Variants in DACT1 observed in about 807,000 individuals in gnomAD.
The protein encoded by DACT1 is dishevelled binding antagonist of beta catenin 1, also known as dapper homolog 1.
DACT1 carries 19 observed loss-of-function variants against 35.3 expected under a neutral mutation model. That is an observed-to-expected ratio of 0.54 (90% CI 0.38 to 0.79). The LOEUF is 0.79. DACT1 is among the 30% of genes least tolerant of loss of function. DACT1 has a pLI of 0.00. For missense variants in DACT1, 1,143 were observed against 1,057.5 expected (o/e 1.08, Z -1.12); for synonymous variants, 545 against 466.7 (o/e 1.17, Z -2.16).
upstream of DACT1, among the ~76,000 whole-genome samples, chr14:58,635,260 A>G (rs2047566356): frequency 6.6e-6 from 1 of 152,198 alleles, no homozygotes; most frequent in Non-Finnish European, 1.5e-5. Flanking sequence ...GAATACCTGC[A>G]ACAAAAACAA....
chr14:58,636,789 C>T (rs2047575156), upstream of DACT1, among the ~76,000 whole-genome samples: 1 of 152,024 alleles, frequency 6.6e-6, no homozygotes, highest in African/African-American at 2.4e-5. Context: ...ATATGTGGTA[C>T]TTTTCCACAG....
rs375814215 is a variant in DACT1, at chr14:58,646,016, C to T, written c.1282C>T (p.Arg428Trp). The T allele has an allele frequency of 6.2e-6, 10 of 1,613,948 alleles. No individual in the cohort carries two copies. In the East Asian group the frequency reaches 6.7e-5, roughly 11 times the overall value. Residue 428 changes from arginine to tryptophan, a missense_variant, in exon 4 of 4, where the codon CGG becomes TGG. Physicochemically the swap from Arg to Trp is moderately radical, Grantham distance 101. Transcript: ENST00000395153. ...CAAGCCAGCCTCGCAAGAACATGCTCGGTGTTCCGCCATTGGGACAGGGGA... is the reference window on the plus strand; with the variant it reads ...CAAGCCAGCCTCGCAAGAACATGCTTGGTGTTCCGCCATTGGGACAGGGGA... ...TAKPASQEHA[R>W]CSAIGTGESP...
At chr14:58,637,798 A>G (rs946879691), upstream of DACT1, among the ~76,000 whole-genome samples, 1 of 122,844 alleles carries the variant, frequency 8.1e-6, no homozygotes, top group Non-Finnish European at 1.8e-5. Flanking sequence ...AGGGGCGGGG[A>G]GGGCCGAGCG....
At position 58,647,706 on chromosome 14, in the gene DACT1, C is replaced by G. The variant is rs956951088; in HGVS notation, c.*572C>G. ...TAGACTCATGACTTGGAGGCCAAACCTTAAATCCAGAGATAGCAGCCTCGA... is the reference window on the plus strand; with the variant it reads ...TAGACTCATGACTTGGAGGCCAAACGTTAAATCCAGAGATAGCAGCCTCGA... On this transcript the variant is annotated 3_prime_UTR_variant, in exon 4 of 4. Coordinates refer to ENST00000395153, the MANE Select transcript of DACT1 (RefSeq NM_001079520.2). The G allele has an allele frequency of 1.8e-5, 3 of 167,404 alleles. No homozygotes were observed. Among genetic ancestry groups the G allele is most frequent in the Admixed American group, 6.5e-5 (1 of 15,276 alleles). 10.4% of individuals were successfully genotyped at this position (167,404 alleles called of 1,614,324 possible).
chr14:58,646,342 C>G lies in DACT1; in HGVS notation c.1608C>G (p.His536Gln). Reference sequence around the variant, plus strand: ...CCAGTGTCAGGCTCCACCGGGGCCACAGGAACATGGGCGTCGTGAAGAACT... The same window carrying G: ...CCAGTGTCAGGCTCCACCGGGGCCAGAGGAACATGGGCGTCGTGAAGAACT... ...QQPSVRLHRG[H>Q]RNMGVVKNSS... Residue 536 changes from histidine (H) to glutamine (Q), a missense_variant, in exon 4 of 4, where the codon CAC (histidine) becomes CAG (glutamine). This residue lies in a region of DACT1 where 1,054 missense variants were observed against 958.8 expected (regional missense o/e 1.10). Coordinates refer to ENST00000395153, the MANE Select transcript of DACT1 (RefSeq NM_001079520.2). The G allele has an allele frequency of 6.2e-7, 1 of 1,608,484 alleles. No individual in the cohort carries two copies. Among genetic ancestry groups the G allele is most frequent in the Non-Finnish European group, 8.5e-7 (1 of 1,178,690 alleles).
chr14:58,637,637 A>C (rs2047583266), upstream of DACT1, among the ~76,000 whole-genome samples: 1 of 152,220 alleles, frequency 6.6e-6, no homozygotes, highest in Non-Finnish European at 1.5e-5. Context: ...GCCGACTGTA[A>C]CAGGATGCTG....
Position 58,645,652 on chromosome 14 carries a change from G to C in DACT1, c.918G>C (p.Leu306=). ...SSSKKMDGYI[L]SLVQKKTHPV... ...GCAAGAAAATGGATGGCTACATTCT[G>C]AGCCTGGTCCAGAAAAAAACACACC... Residue 306 remains leucine (L), a synonymous_variant, in exon 4 of 4, where the codon CTG becomes CTC. Coordinates refer to ENST00000395153, the MANE Select transcript of DACT1 (RefSeq NM_001079520.2). 1.2e-6 allele frequency: 2 copies of C among 1,614,132 alleles called. No homozygotes were observed.
upstream of DACT1, among the ~76,000 whole-genome samples, chr14:58,637,884 C>T (rs1203855168): frequency 2.7e-5 from 4 of 150,012 alleles, no homozygotes; most frequent in South Asian, 6.3e-4. Flanking sequence ...GCGTCGCAGC[C>T]GAGGGGCCGG....
Position 58,646,720 on chromosome 14 carries a change from G to A in DACT1, c.1986G>A (p.Arg662=). ...TGAGGAGGGCCCGGCGCGGTCGCCG[G>A]GAGAATGTGGGGCTGTACCCCGCGC... The part of the protein sequence containing the change: ...EALRRARRGR[R]ENVGLYPAPV... The change falls in exon 4 of 4, where the codon CGG becomes CGA. Residue 662 remains arginine (R), a synonymous_variant. Coordinates refer to ENST00000395153, the MANE Select transcript of DACT1 (RefSeq NM_001079520.2). 1 of 1,613,532 alleles carries A rather than the reference G, an allele frequency of 6.2e-7. No individual in the cohort carries two copies. The highest frequency in any genetic ancestry group is 1.7e-5 in the Admixed American group (1 of 60,012).
In DACT1 at chr14:58,646,201, G is replaced by C. The variant is rs1301016279; in HGVS notation, c.1467G>C (p.Leu489=). Reference sequence around the variant, plus strand: ...TCCCCCCGGCCACTCCTCCCCTGCTGTCTACAGCTTTCCCCGTGGAAGAGA... The same window carrying C: ...TCCCCCCGGCCACTCCTCCCCTGCTCTCTACAGCTTTCCCCGTGGAAGAGA... ...QGVPPATPPL[L]STAFPVEERP... Residue 489 remains leucine, a synonymous_variant, in exon 4 of 4, where the codon CTG becomes CTC. Transcript: ENST00000395153. The C allele has an allele frequency of 1.2e-6, 2 of 1,613,722 alleles. No homozygotes were observed. The highest frequency in any genetic ancestry group is 3.3e-5 in the Admixed American group (2 of 59,884).
At chr14:58,639,271 TTA>T in intron 1 of DACT1, 1 of 985,178 alleles carries the variant, frequency 1.0e-6, no homozygotes. Flanking sequence ...CGGTAAGCAT[TTA>T]TCTTACTGGG....
chr14:58,636,358 T>G (rs2047572512), upstream of DACT1, among the ~76,000 whole-genome samples: 1 of 152,194 alleles, frequency 6.6e-6, no homozygotes, highest in South Asian at 2.1e-4. Context: ...CTCTAGCAAT[T>G]GTCAGGTGAA....
chr14:58,642,077 T>C lies in DACT1; in HGVS notation c.634+330T>C, dbSNP rs140990937. Among the ~76,000 whole-genome samples the C allele has an allele frequency of 1.4e-4, 22 of 152,338 alleles. No homozygotes were observed. The East Asian group carries it at 4.2e-3, about 29-fold the overall frequency. Reference sequence around the variant, plus strand: ...GTATTTTCTTTCATTTTGGAACTGTTTTCTTCTTTTAATTATGTAAAGCTA... The same window carrying C: ...GTATTTTCTTTCATTTTGGAACTGTCTTCTTCTTTTAATTATGTAAAGCTA... On this transcript the variant is annotated intron_variant, in intron 3 of 3. Coordinates refer to ENST00000395153, the MANE Select transcript of DACT1 (RefSeq NM_001079520.2).
chr14:58,643,766 G>C (rs567510367), intron 3 of DACT1, among the ~76,000 whole-genome samples: 1 of 152,322 alleles, frequency 6.6e-6, no homozygotes, highest in East Asian at 1.9e-4. Context: ...GATGAATAGT[G>C]AAGTGTTTGT....
At position 58,646,600 on chromosome 14, in the gene DACT1, C is replaced by T; in HGVS notation, c.1866C>T (p.Gly622=). ...ACAGGGCGGGGAGCAGGGCGCATGG[C>T]CACGGACGGGAGGCGGTGGTGGCCA... ...GGHRAGSRAH[G]HGREAVVAKP... is the part of the protein sequence containing the mutation. The change falls in exon 4 of 4, where the codon GGC becomes GGT. Residue 622 remains glycine, a synonymous_variant. Coordinates refer to ENST00000395153, the MANE Select transcript of DACT1 (RefSeq NM_001079520.2). 1 of 1,595,180 alleles carries T rather than the reference C, an allele frequency of 6.3e-7. No homozygotes were observed. Among genetic ancestry groups the T allele is most frequent in the Non-Finnish European group, 8.5e-7 (1 of 1,171,368 alleles).
At position 58,646,656 on chromosome 14, in the gene DACT1, G is replaced by A; in HGVS notation, c.1922G>A (p.Arg641Gln). ...AAGCACAAGCGAACTGACTACCGGC[G>A]GTGGAAGTCCTCGGCCGAGATTTCC... is the stretch of plus-strand genomic sequence containing the variant. The part of the protein sequence containing the change: ...KPKHKRTDYR[R>Q]WKSSAEISYE... Residue 641 changes from arginine (R) to glutamine (Q), a missense_variant, in exon 4 of 4, where the codon CGG (arginine) becomes CAG (glutamine). Coordinates refer to ENST00000395153, the MANE Select transcript of DACT1 (RefSeq NM_001079520.2). 1.9e-6 allele frequency: 3 copies of A among 1,612,090 alleles called. No homozygotes were observed. The highest frequency in any genetic ancestry group is 2.5e-6 in the Non-Finnish European group (3 of 1,179,520).
At position 58,646,540 on chromosome 14, in the gene DACT1, G is replaced by A; in HGVS notation, c.1806G>A (p.Glu602=). The part of the protein sequence containing the change: ...SKGRKSGGGP[E]AGVPGRPAGG... ...GGAGGAAGAGTGGGGGCGGGCCCGA[G>A]GCTGGTGTTCCCGGCAGGCCCGCGG... The change falls in exon 4 of 4, where the codon GAG becomes GAA. Residue 602 remains glutamate, a synonymous_variant. Coordinates refer to ENST00000395153, the MANE Select transcript of DACT1 (RefSeq NM_001079520.2). 8 of 1,557,446 alleles carry A rather than the reference G, an allele frequency of 5.1e-6. No homozygotes were observed. The highest frequency in any genetic ancestry group is 6.1e-6 in the Non-Finnish European group (7 of 1,154,110).
At chr14:58,638,801 C>T (rs912347705) in intron 1 of DACT1, 1 of 1,177,546 alleles carries the variant, frequency 8.5e-7, no homozygotes, top group Non-Finnish European at 1.0e-6. Context: ...AAGGGGGTGG[C>T]CGCTCTTCCC....
intron 3 of DACT1, among the ~76,000 whole-genome samples, chr14:58,642,810 T>C (rs1566508164): frequency 6.6e-6 from 1 of 152,370 alleles, no homozygotes; most frequent in East Asian, 1.9e-4. Flanking sequence ...ATGTTCTGCA[T>C]GATGGCAGCT....
Sources: gnomAD v4.1 joint callset for allele counts (sites outside exome capture counted in the v4.1 genomes callset) on GRCh38, gnomAD v4.1.1 for gene constraint, gnomAD v4.1.1 regional missense constraint, MANE v1.5 for transcripts, NCBI Gene and HGNC (gene_info 2026-07-23, HGNC 2026-07-21) for gene names.